The following FRAS1 variants were observed in gnomAD, a reference collection of about 807,000 sequenced individuals.
The protein encoded by FRAS1 is Fraser extracellular matrix complex subunit 1.
A neutral mutation model predicts 435.2 loss-of-function variants in FRAS1; 290 were observed. That is an observed-to-expected ratio of 0.67 (90% CI 0.61 to 0.73). The LOEUF (loss-of-function observed/expected upper bound fraction) is 0.73, where lower values mean the gene tolerates loss of function less well. FRAS1 is among the 30% of genes least tolerant of loss of function. The probability of loss-of-function intolerance (pLI) is 0.00; values close to 1 mark genes in which losing one functional copy is unlikely to be tolerated. For missense variants in FRAS1, 4,860 were observed against 5,001.5 expected (o/e 0.97, Z 0.85); for synonymous variants, 1,800 against 1,851.0 (o/e 0.97, Z 0.71).
At chr4:78,135,107 AAAAG>A (rs1719867708) in intron 2 of FRAS1, among the ~76,000 whole-genome samples, 1 of 152,266 alleles carries the variant, frequency 6.6e-6, no homozygotes, top group Admixed American at 6.5e-5. Context: ...ACCATATTAC[AAAAG>A]AGAGATAAGC....
chr4:78,118,789 T>G (rs1243448082), intron 2 of FRAS1, among the ~76,000 whole-genome samples: 1 of 152,122 alleles, frequency 6.6e-6, no homozygotes, highest in Non-Finnish European at 1.5e-5. Flanking sequence ...TGCCTCACCC[T>G]CCTTCGGCTT....
At chr4:78,506,468 T>A (rs1339502551) in intron 61 of FRAS1, among the ~76,000 whole-genome samples, 1 of 152,106 alleles carries the variant, frequency 6.6e-6, no homozygotes, top group Non-Finnish European at 1.5e-5. Flanking sequence ...CAGACACCCC[T>A]CCCCCAGCCA....
At chr4:78,195,287 TCTC>T (rs1722752413) in intron 2 of FRAS1, among the ~76,000 whole-genome samples, 1 of 152,206 alleles carries the variant, frequency 6.6e-6, no homozygotes, top group Non-Finnish European at 1.5e-5. Context: ...GAACCACTGC[TCTC>T]CTCAAAGCTG....
intron 18 of FRAS1, among the ~76,000 whole-genome samples, chr4:78,327,949 G>A (rs1729784856): frequency 6.6e-6 from 1 of 152,114 alleles, no homozygotes; most frequent in African/African-American, 2.4e-5. Flanking sequence ...TACTTTAAGA[G>A]GATTGTCATC....
At chr4:78,394,512 G>A (rs1732577535) in intron 29 of FRAS1, among the ~76,000 whole-genome samples, 1 of 151,566 alleles carries the variant, frequency 6.6e-6, no homozygotes. Context: ...AGAATAGTTG[G>A]TCATAAATGT....
At chr4:78,456,352 A>G in intron 47 of FRAS1, among the ~76,000 whole-genome samples, 1 of 152,086 alleles carries the variant, frequency 6.6e-6, no homozygotes, top group East Asian at 1.9e-4. Flanking sequence ...CATGTTGGCC[A>G]GGTTGGTCTT....
intron 2 of FRAS1, among the ~76,000 whole-genome samples, chr4:78,073,795 C>T (rs1740483976): frequency 6.6e-6 from 1 of 152,094 alleles, no homozygotes; most frequent in Non-Finnish European, 1.5e-5. Flanking sequence ...TTACAAATGT[C>T]TGAAGAAAAG....
rs778834638 is a variant in FRAS1, at chr4:78,372,809, C to T, written c.2961C>T (p.Cys987=). The change falls in exon 24 of 74, where the codon TGC becomes TGT. Residue 987 remains cysteine (C), a synonymous_variant. Coordinates refer to ENST00000512123, the MANE Select transcript of FRAS1 (RefSeq NM_025074.7). ...MDGYVLQDGA[C]VEQCLSSFYQ... ...GCTATGTTCTCCAGGATGGGGCCTG[C>T]GTGGAGCAGTGCTTGTCATCATTTT... The T allele has an allele frequency of 9.3e-6, 15 of 1,612,994 alleles. No individual in the cohort carries two copies. The highest frequency in any genetic ancestry group is 1.2e-5 in the Non-Finnish European group (14 of 1,179,676).
intron 2 of FRAS1, among the ~76,000 whole-genome samples, chr4:78,132,833 G>T (rs1442136018): frequency 6.6e-6 from 1 of 152,080 alleles, no homozygotes; most frequent in African/African-American, 2.4e-5. Flanking sequence ...GTGTGGTTTG[G>T]CTCACCTAGG....
intron 2 of FRAS1, among the ~76,000 whole-genome samples, chr4:78,225,157 C>T (rs1049738650): frequency 3.3e-5 from 5 of 152,152 alleles, no homozygotes; most frequent in Admixed American, 6.5e-5. Flanking sequence ...GAGCATGGTG[C>T]TAAGGAATCT....
chr4:78,438,880 G>A, intron 39 of FRAS1, 22 bp from the exon 40 acceptor site: 1 of 1,586,836 alleles, frequency 6.3e-7, no homozygotes, highest in East Asian at 2.2e-5. Context: ...TTATTCATTT[G>A]ATTCTTTTTG....
chr4:78,422,558 A>T (rs1410414748), intron 34 of FRAS1, among the ~76,000 whole-genome samples: 1 of 144,902 alleles, frequency 6.9e-6, no homozygotes, highest in East Asian at 2.0e-4. Flanking sequence ...CACTAGCTCC[A>T]GGTACAGAGG....
At chr4:78,286,845 C>T (rs1211308747) in intron 14 of FRAS1, among the ~76,000 whole-genome samples, 3 of 151,902 alleles carry the variant, frequency 2.0e-5, no homozygotes, top group South Asian at 2.1e-4. Context: ...ATAATAGTCT[C>T]TTGAGGTGGG....
intron 14 of FRAS1, among the ~76,000 whole-genome samples, chr4:78,296,371 G>A (rs1275245245): frequency 6.6e-6 from 1 of 152,002 alleles, no homozygotes; most frequent in African/African-American, 2.4e-5. Flanking sequence ...GCAGTAGCAG[G>A]CAGAGGCCCA....
At chr4:78,293,835 G>A (rs1402517598) in intron 14 of FRAS1, among the ~76,000 whole-genome samples, 2 of 152,218 alleles carry the variant, frequency 1.3e-5, no homozygotes, top group African/African-American at 4.8e-5. Flanking sequence ...CAGGAAGCTG[G>A]CTGTGTTTGG....
chr4:78,537,929 G>C (rs1337404415), intron 72 of FRAS1, among the ~76,000 whole-genome samples: 1 of 145,482 alleles, frequency 6.9e-6, no homozygotes, highest in Non-Finnish European at 1.5e-5. Context: ...CTGGGCAACA[G>C]AGCAAGACCC....
At chr4:78,259,651 G>C (rs1027642743) in intron 6 of FRAS1, among the ~76,000 whole-genome samples, 51 of 148,500 alleles carry the variant, frequency 3.4e-4, no homozygotes, top group South Asian at 3.1e-3. Flanking sequence ...CTCCCATTTT[G>C]TAGGTTGCCT....
chr4:78,073,864 T>C (rs145368582), intron 2 of FRAS1, among the ~76,000 whole-genome samples: 293 of 152,314 alleles, frequency 1.9e-3, no homozygotes, highest in African/African-American at 6.8e-3. Context: ...AAACATAAAA[T>C]TGGCACAAAA....
chr4:78,474,431 G>A (rs769329616), intron 53 of FRAS1, among the ~76,000 whole-genome samples: 2 of 152,058 alleles, frequency 1.3e-5, no homozygotes, highest in Non-Finnish European at 2.9e-5. Context: ...GGGGAAAAAA[G>A]GAAGACTTAA....
Sources: allele counts gnomAD v4.1 joint callset (sites outside exome capture counted in the v4.1 genomes callset), GRCh38; gene constraint gnomAD v4.1.1; transcripts MANE v1.5; gene names NCBI Gene and HGNC (gene_info 2026-07-23, HGNC 2026-07-21).